TRPC1: variants seen among roughly 807,000 people sequenced by gnomAD.
TRPC1 encodes the protein transient receptor potential cation channel subfamily C member 1, also known as short transient receptor potential channel 1.
Under a neutral mutation model 88.2 loss-of-function variants are expected in TRPC1, and 42 were observed. The ratio of observed to expected loss-of-function variants is 0.48; its 90% CI spans 0.37 to 0.62. The LOEUF is 0.62. Among genes scored for constraint, TRPC1 ranks in the 20% least tolerant of loss-of-function variants. The probability of loss-of-function intolerance (pLI) is 0.00; values close to 1 mark genes in which losing one functional copy is unlikely to be tolerated. For synonymous variants in TRPC1, 288 were observed against 331.8 expected, an observed-to-expected ratio of 0.87 and a Z score of 1.43; for missense variants, 699 against 957.3, an observed-to-expected ratio of 0.73 and a Z score of 3.56.
intron 4 of TRPC1, among the ~76,000 whole-genome samples, chr3:142,771,085 C>A (rs1007884359): frequency 9.2e-5 from 14 of 152,186 alleles, no homozygotes; most frequent in African/African-American, 3.1e-4. Flanking sequence ...AGCAAGAACT[C>A]ACTTATTACT....
At chr3:142,805,576 G>T (rs1335954362) in intron 12 of TRPC1, among the ~76,000 whole-genome samples, 1 of 152,028 alleles carries the variant, frequency 6.6e-6, no homozygotes, top group African/African-American at 2.4e-5. Context: ...TTAAATATAG[G>T]TCTACTAGTG....
chr3:142,754,878 A>G (rs1413128493), intron 4 of TRPC1, among the ~76,000 whole-genome samples: 1 of 152,202 alleles, frequency 6.6e-6, no homozygotes, highest in Non-Finnish European at 1.5e-5. Context: ...ATGATGAGGG[A>G]GTATTGGAAT....
At chr3:142,785,506 G>GTTTTT (rs1211634164) in intron 7 of TRPC1, among the ~76,000 whole-genome samples, 1 of 151,894 alleles carries the variant, frequency 6.6e-6, no homozygotes, top group African/African-American at 2.4e-5. Flanking sequence ...GTTTTGTTTT[G>GTTTTT]TTTTGTTTTG....
chr3:142,792,848 G>T lies in TRPC1; in HGVS notation c.1462G>T (p.Asp488Tyr), dbSNP rs758882327. 6 of 1,598,452 alleles carry T rather than the reference G, an allele frequency of 3.8e-6. No homozygotes were observed. The Admixed American group carries it at 1.0e-4, about 27-fold the overall frequency. Residue 488 changes from aspartate (D) to tyrosine (Y), a missense_variant, in exon 9 of 13, where the codon GAT becomes TAT. Physicochemically the swap from Asp to Tyr is radical, Grantham distance 160 (BLOSUM62 -3). Transcript: ENST00000476941. This position sits in a 1 kb window ranked among gnomAD's most constrained non-coding sequence, Gnocchi z 4.0. ...GTTTCATGATTTTGCTGATCGGAAG[G>T]ATTGGGATGCATTCCATCCTACACT... The part of the protein sequence containing the change: ...NKFHDFADRK[D>Y]WDAFHPTLVA...
chr3:142,744,081 G>T (rs1934449904), intron 3 of TRPC1, among the ~76,000 whole-genome samples: 1 of 152,074 alleles, frequency 6.6e-6, no homozygotes, highest in African/African-American at 2.4e-5. Context: ...ACTGGCAAAA[G>T]ATATTTGCAG....
At chr3:142,738,394 A>C (rs569752410) in intron 2 of TRPC1, among the ~76,000 whole-genome samples, 1 of 152,358 alleles carries the variant, frequency 6.6e-6, no homozygotes. Flanking sequence ...AAATTGGACA[A>C]TTAAAGTATG....
chr3:142,786,970 A>G (rs920312350), intron 7 of TRPC1, among the ~76,000 whole-genome samples: 1 of 152,348 alleles, frequency 6.6e-6, no homozygotes, highest in South Asian at 2.1e-4. Flanking sequence ...TTTGAATAGC[A>G]TAAATATTAC....
In TRPC1 at chr3:142,802,276, T is replaced by C; in HGVS notation, c.1689T>C (p.Tyr563=). 6 of 1,600,270 alleles carry C rather than the reference T, an allele frequency of 3.7e-6. No individual in the cohort carries two copies. Among genetic ancestry groups the C allele is most frequent in the Non-Finnish European group, 4.3e-6 (5 of 1,174,354 alleles). Residue 563 remains tyrosine, a synonymous_variant, in exon 10 of 13, where the codon TAT becomes TAC. Coordinates refer to ENST00000476941, the MANE Select transcript of TRPC1 (RefSeq NM_001251845.2). ...TGACACAACTGTATGATAAAGGATA[T>C]ACTTCAAAGGAGCAGAAGGACTGTG... ...IGLTQLYDKG[Y]TSKEQKDCVG...
intron 4 of TRPC1, among the ~76,000 whole-genome samples, chr3:142,753,833 G>A (rs567261668): frequency 9.9e-5 from 15 of 151,986 alleles, no homozygotes; most frequent in Admixed American, 2.6e-4. Context: ...GGTGGCTCAC[G>A]CCTATAATCC....
chr3:142,738,083 A>G (rs1404028272), intron 2 of TRPC1, among the ~76,000 whole-genome samples: 2 of 152,204 alleles, frequency 1.3e-5, no homozygotes, highest in African/African-American at 2.4e-5. Context: ...GTGCTTTCAT[A>G]TACTTGATCA....
Position 142,780,943 on chromosome 3 carries a change from G to A in TRPC1, c.874G>A (p.Asp292Asn). 1 of 1,613,920 alleles carries A rather than the reference G, an allele frequency of 6.2e-7. No homozygotes were observed. The highest frequency in any genetic ancestry group is 1.1e-5 in the South Asian group (1 of 91,054). Residue 292 changes from aspartate to asparagine, a missense_variant, in exon 6 of 13, where the codon GAC becomes AAC. Physicochemically the swap from Asp to Asn is conservative, Grantham distance 23 (BLOSUM62 1). Around this residue, in one of 4 missense-constraint regions of TRPC1, gnomAD observed 426 missense variants for 641.3 expected, o/e 0.66. Transcript: ENST00000476941. ...AGTTATTCTAAACCATACGTCTAGT[G>A]ACGAGCCTCTTGACAAACGGGGATT... ...LEVILNHTSS[D>N]EPLDKRGLLE...
In TRPC1 at chr3:142,802,307, A is replaced by G; in HGVS notation, c.1720A>G (p.Ile574Val). The G allele has an allele frequency of 6.5e-7, 1 of 1,541,428 alleles. No homozygotes were observed. ...AAAGGAGCAGAAGGACTGTGTAGGCATCTTCTGTGAACAGCAAAGCAATGA... is the reference window on the plus strand; with the variant it reads ...AAAGGAGCAGAAGGACTGTGTAGGCGTCTTCTGTGAACAGCAAAGCAATGA... ...TSKEQKDCVG[I>V]FCEQQSNDTF... Residue 574 changes from isoleucine to valine, a missense_variant, in exon 10 of 13, where the codon ATC (isoleucine) becomes GTC (valine). Ile to Val is a conservative substitution (Grantham distance 29). Coordinates refer to ENST00000476941, the MANE Select transcript of TRPC1 (RefSeq NM_001251845.2).
chr3:142,760,958 A>AT (rs916647290), intron 4 of TRPC1, among the ~76,000 whole-genome samples: 20 of 151,854 alleles, frequency 1.3e-4, no homozygotes, highest in African/African-American at 4.1e-4. Flanking sequence ...ACTTTACTGA[A>AT]TTTTTTTTAC....
At chr3:142,729,252 C>T (rs895847604) in intron 1 of TRPC1, among the ~76,000 whole-genome samples, 2 of 152,158 alleles carry the variant, frequency 1.3e-5, no homozygotes, top group East Asian at 1.9e-4. Context: ...ATAGTGATCA[C>T]GCAACTTTGC....
chr3:142,781,694 T>A (rs1935962992), intron 6 of TRPC1, among the ~76,000 whole-genome samples: 1 of 152,102 alleles, frequency 6.6e-6, no homozygotes, highest in Non-Finnish European at 1.5e-5. Context: ...CATTTTAAAT[T>A]TCATTTTTGA....
intron 1 of TRPC1, among the ~76,000 whole-genome samples, chr3:142,728,027 T>C (rs553720136): frequency 6.6e-6 from 1 of 152,264 alleles, no homozygotes; most frequent in South Asian, 2.1e-4. Context: ...TTAGTATATA[T>C]TTGTAAATAT....
Position 142,748,372 on chromosome 3 carries a change from G to A in TRPC1, c.544G>A (p.Asp182Asn), listed in dbSNP as rs111941638. Residue 182 changes from aspartate (D) to asparagine (N), a missense_variant, in exon 4 of 13, where the codon GAT becomes AAT. This residue lies in a region of TRPC1 where 426 missense variants were observed against 641.3 expected (regional missense o/e 0.66). Coordinates refer to ENST00000476941, the MANE Select transcript of TRPC1 (RefSeq NM_001251845.2). ...AATTCTTACAATGCTCTTAAAACAG[G>A]ATGTATCTCTACCCAAGCCCCATGC... ...YEILTMLLKQ[D>N]VSLPKPHAVG... 3 of 1,614,084 alleles carry A rather than the reference G, an allele frequency of 1.9e-6. No individual in the cohort carries two copies. In the Admixed American group the frequency reaches 5.0e-5, roughly 27 times the overall value.
At chr3:142,795,136 G>A (rs75790159) in intron 9 of TRPC1, among the ~76,000 whole-genome samples, 1,532 of 152,000 alleles carry the variant, frequency 0.01, 37 homozygotes, top group East Asian at 0.09. Context: ...TAGTAAACTC[G>A]AATAGGTAAC....
chr3:142,755,094 G>A (rs773000503), intron 4 of TRPC1, among the ~76,000 whole-genome samples: 74 of 151,992 alleles, frequency 4.9e-4, no homozygotes, highest in Admixed American at 1.4e-3. Context: ...TATTCTACAC[G>A]TGTTCCTTAA....
Sources: allele counts gnomAD v4.1 joint callset (sites outside exome capture counted in the v4.1 genomes callset), GRCh38; gene constraint gnomAD v4.1.1; regional missense constraint gnomAD v4.1.1; non-coding constraint Gnocchi (gnomAD v3.1); transcripts MANE v1.5; gene names NCBI Gene and HGNC (gene_info 2026-07-23, HGNC 2026-07-21).